The following COL23A1 variants were observed in gnomAD, a reference collection of about 807,000 sequenced individuals.
The protein encoded by COL23A1 is collagen type XXIII alpha 1 chain, also known as collagen alpha-1(XXIII) chain.
In COL23A1, 97 loss-of-function variants were observed where a neutral mutation model predicts 99.3. The ratio of observed to expected loss-of-function variants is 0.98; its 90% CI spans 0.83 to 1.16. COL23A1 has a LOEUF of 1.16. COL23A1 is among the 50% of genes most tolerant of loss of function. COL23A1 has a pLI of 0.00. For synonymous variants in COL23A1, 320 were observed against 308.2 expected (o/e 1.04, Z -0.40); for missense variants, 762 against 757.4 (o/e 1.01, Z -0.07).
At chr5:178,574,894 C>T (rs1444428604) in intron 1 of COL23A1, among the ~76,000 whole-genome samples, 1 of 152,202 alleles carries the variant, frequency 6.6e-6, no homozygotes, top group Admixed American at 6.5e-5. Flanking sequence ...CAGGCACTTA[C>T]CTGATTTGGC....
At chr5:178,356,907 C>T (rs1185257596) in intron 2 of COL23A1, among the ~76,000 whole-genome samples, 1 of 152,182 alleles carries the variant, frequency 6.6e-6, no homozygotes, top group Non-Finnish European at 1.5e-5. Flanking sequence ...ACCCAGCACA[C>T]CCGTGCCCAC....
rs377720156 is a variant in COL23A1, at chr5:178,262,227, T to C, written c.665A>G (p.Asp222Gly). The stretch of plus-strand genomic sequence containing the variant: ...GCCCTGGATACTGACCATCTCGCCG[T>C]CTTGTCCGGGCTCTCCTTTGGGGCC... ...PAGPKGEPGQ[D>G]GEMGPKGPPG... Residue 222 changes from aspartate to glycine, a missense_variant, in exon 10 of 29, where the codon GAC (aspartate) becomes GGC (glycine). Transcript: ENST00000390654. The C allele has an allele frequency of 6.9e-6, 11 of 1,583,840 alleles. No homozygotes were observed. The African/African-American group carries it at 1.3e-4, about 19-fold the overall frequency.
Position 178,468,530 on chromosome 5 carries a change from C to T in COL23A1, c.361+92152G>A, listed in dbSNP as rs148448072. Among the ~76,000 whole-genome samples, 145 of 152,254 alleles carry T rather than the reference C, an allele frequency of 9.5e-4. No individual in the cohort carries two copies. Among genetic ancestry groups the T allele is most frequent in the African/African-American group, 3.2e-3 (133 of 41,558 alleles). On this transcript the variant is annotated intron_variant, in intron 2 of 28. Transcript: ENST00000390654. This position sits in a 1 kb window ranked among gnomAD's most constrained non-coding sequence, Gnocchi z 4.2. ...TCACCCTGCCTCCCTCATCTGCTCA[C>T]ACCCAGGCCTCACCCGGCCCCGTCC...
chr5:178,369,699 T>A (rs1465264754), intron 2 of COL23A1, among the ~76,000 whole-genome samples: 1 of 152,148 alleles, frequency 6.6e-6, no homozygotes, highest in Non-Finnish European at 1.5e-5. Flanking sequence ...CTGCCATCCA[T>A]GTAAGATGTG....
At chr5:178,327,582 G>A (rs1018227586) in intron 2 of COL23A1, among the ~76,000 whole-genome samples, 2 of 152,160 alleles carry the variant, frequency 1.3e-5, no homozygotes, top group African/African-American at 4.8e-5. Context: ...GGGGGCCGGT[G>A]TTGCCAGGTC....
In COL23A1 at chr5:178,281,187, G is replaced by A. The variant is rs1224493783; in HGVS notation, c.441+7137C>T. 2.0e-5 allele frequency among the ~76,000 whole-genome samples: 3 copies of A among 152,194 alleles called. No individual in the cohort carries two copies. The highest frequency in any genetic ancestry group is 3.8e-4 in the East Asian group (2 of 5,198). ...GGGGTCAGACGGAAATGAGATGGAG[G>A]ATGTTGAAATCTAAAAACAGATGAA... On this transcript the variant is annotated intron_variant, in intron 5 of 28. Transcript: ENST00000390654. This position sits in a 1 kb window ranked among gnomAD's most constrained non-coding sequence, Gnocchi z 4.0.
intron 1 of COL23A1, among the ~76,000 whole-genome samples, chr5:178,566,026 G>A (rs1486309901): frequency 6.6e-6 from 1 of 152,018 alleles, no homozygotes; most frequent in Non-Finnish European, 1.5e-5. Flanking sequence ...TACTCAAGAG[G>A]CTGAGGCAGG....
rs367838886 is a variant in COL23A1 at position 178,523,177 on chromosome 5, T to C, written c.361+37505A>G. The stretch of plus-strand genomic sequence containing the variant: ...ATATATATATACATATATATATATA[T>C]ACACATATATATATATATATATATA... On this transcript the variant is annotated intron_variant, in intron 2 of 28. Transcript: ENST00000390654. Among the ~76,000 whole-genome samples the C allele has an allele frequency of 5.5e-4, 43 of 77,886 alleles. 1 individual carries two copies. In the South Asian group the frequency reaches 6.5e-3, roughly 12 times the overall value. The allele number at this position is 77,886 out of a possible 152,430, so 51.1% of individuals were successfully genotyped here.
chr5:178,305,061 C>G (rs1456272337), intron 3 of COL23A1, among the ~76,000 whole-genome samples: 3 of 152,034 alleles, frequency 2.0e-5, no homozygotes, highest in Non-Finnish European at 4.4e-5. Flanking sequence ...AAAAGCATGT[C>G]AGGAACTTAT....
chr5:178,546,127 C>A (rs975449100), intron 2 of COL23A1, among the ~76,000 whole-genome samples: 42 of 152,040 alleles, frequency 2.8e-4, no homozygotes, highest in African/African-American at 9.9e-4. Context: ...GGGGTGGCCA[C>A]AGGGTCCCCA....
intron 2 of COL23A1, among the ~76,000 whole-genome samples, chr5:178,333,335 G>GGCCTTTGT: frequency 6.6e-6 from 1 of 152,202 alleles, no homozygotes; most frequent in Non-Finnish European, 1.5e-5. Context: ...TTTGGCCTGT[G>GGCCTTTGT]GCTGCCTTTG....
At position 178,270,940 on chromosome 5, in the gene COL23A1, A is replaced by G. The variant is rs185849705; in HGVS notation, c.442-577T>C. Among the ~76,000 whole-genome samples, 764 of 152,356 alleles carry G rather than the reference A, an allele frequency of 5.0e-3. 6 individuals carry two copies. The highest frequency in any genetic ancestry group is 7.9e-3 in the Non-Finnish European group (538 of 68,036). On this transcript the variant is annotated intron_variant, in intron 5 of 28. Transcript: ENST00000390654. ...TTTTGCCTTCACTAAGCCAGCTTGA[A>G]TTGAGCTCCTGTCATTTGTAACTGG...
chr5:178,320,313 C>T (rs1018951217), intron 2 of COL23A1, among the ~76,000 whole-genome samples: 2 of 152,150 alleles, frequency 1.3e-5, no homozygotes, highest in Non-Finnish European at 2.9e-5. Flanking sequence ...GTCCCCAGGC[C>T]GGAACAATGG....
intron 1 of COL23A1, among the ~76,000 whole-genome samples, chr5:178,561,691 C>T (rs1216529863): frequency 1.3e-5 from 2 of 152,278 alleles, no homozygotes; most frequent in South Asian, 2.1e-4. Context: ...AAAAAAAAAT[C>T]CCCCTAAAAG....
At chr5:178,562,947 T>C (rs1375145416) in intron 1 of COL23A1, among the ~76,000 whole-genome samples, 1 of 151,906 alleles carries the variant, frequency 6.6e-6, no homozygotes, top group Non-Finnish European at 1.5e-5. Flanking sequence ...AGAGCACTGA[T>C]TGGTGCATTT....
chr5:178,345,110 TC>T, intron 2 of COL23A1: 2 of 598,510 alleles, frequency 3.3e-6, no homozygotes, highest in Non-Finnish European at 3.2e-6. Context: ...GCACGACATC[TC>T]CCAGGAAGAT....
At chr5:178,496,292 C>T (rs547948778) in intron 2 of COL23A1, among the ~76,000 whole-genome samples, 1 of 152,248 alleles carries the variant, frequency 6.6e-6, no homozygotes, top group African/African-American at 2.4e-5. Flanking sequence ...GGCCCCGAAG[C>T]CACTCACTCT....
At chr5:178,251,909 C>CTTTTTTT (rs979583837) in intron 17 of COL23A1, among the ~76,000 whole-genome samples, 1 of 59,670 alleles carries the variant, frequency 1.7e-5, no homozygotes, top group Admixed American at 2.1e-4. Flanking sequence ...ATTTTCTTTT[C>CTTTTTTT]TTTTTTTTTT....
In COL23A1 at chr5:178,537,258, C is replaced by G. The variant is rs111782818; in HGVS notation, c.361+23424G>C. On this transcript the variant is annotated intron_variant, in intron 2 of 28. Coordinates refer to ENST00000390654, the MANE Select transcript of COL23A1 (RefSeq NM_173465.4). ...TTGTAGACGTGCCATCAGGTTCCTG[C>G]GAGGCCCCCTCCCTGCCGCACCCTC... 4.3e-4 allele frequency among the ~76,000 whole-genome samples: 65 copies of G among 152,154 alleles called. 1 individual carries two copies. The highest frequency in any genetic ancestry group is 8.7e-4 in the Non-Finnish European group (59 of 67,914).
Sources: allele counts gnomAD v4.1 joint callset (sites outside exome capture counted in the v4.1 genomes callset), GRCh38; gene constraint gnomAD v4.1.1; non-coding constraint Gnocchi (gnomAD v3.1); transcripts MANE v1.5; gene names NCBI Gene and HGNC (gene_info 2026-07-23, HGNC 2026-07-21).